G3BP2: variants seen among roughly 807,000 people sequenced by gnomAD.
G3BP2 encodes G3BP stress granule assembly factor 2.
In G3BP2, 11 loss-of-function variants were observed where a neutral mutation model predicts 56.7. That is an observed-to-expected ratio of 0.19 (90% CI 0.12 to 0.32). G3BP2 has a LOEUF of 0.32. Among genes scored for constraint, G3BP2 ranks in the 10% least tolerant of loss-of-function variants. The pLI is 1.00. For missense variants in G3BP2, 340 were observed against 610.9 expected (o/e 0.56, Z 4.67); for synonymous variants, 165 against 191.6 (o/e 0.86, Z 1.15).
chr4:75,692,801 C>T (rs1718923259), intron 3 of G3BP2, among the ~76,000 whole-genome samples: 1 of 152,148 alleles, frequency 6.6e-6, no homozygotes, highest in Admixed American at 6.5e-5. Flanking sequence ...GTCATGAGAA[C>T]ACAAGGTGTC....
At chr4:75,681,511 C>A (rs1490181516) in intron 3 of G3BP2, among the ~76,000 whole-genome samples, 3 of 151,880 alleles carry the variant, frequency 2.0e-5, no homozygotes, top group Admixed American at 2.0e-4. Context: ...AAAGTTTATA[C>A]ATTAGGCACA....
intron 3 of G3BP2, among the ~76,000 whole-genome samples, chr4:75,696,817 C>T (rs1242089924): frequency 1.3e-5 from 2 of 152,186 alleles, no homozygotes; most frequent in Admixed American, 1.3e-4. Context: ...GGTCCATGTT[C>T]ACATGCATGC....
chr4:75,645,810 C>G (rs35597810), intron 11 of G3BP2, 108 bp from the exon 12 acceptor site: 6 of 951,854 alleles, frequency 6.3e-6, no homozygotes, highest in Non-Finnish European at 9.5e-6. Flanking sequence ...ACACTTTTAT[C>G]AGCCCCCCAC....
rs537058382 is a variant in G3BP2 at position 75,670,687 on chromosome 4, G to A, written c.-25+2521C>T. The stretch of plus-strand genomic sequence containing the variant: ...TTTTCTTTTGTCTTTAAAATAGATA[G>A]GGCATTATCTTCATTTACAGAAAAG... On this transcript the variant is annotated intron_variant, in intron 1 of 11. Transcript: ENST00000359707. 2.6e-5 allele frequency among the ~76,000 whole-genome samples: 4 copies of A among 152,216 alleles called. 1 individual carries two copies. Among genetic ancestry groups the A allele is most frequent in the African/African-American group, 9.6e-5 (4 of 41,524 alleles).
intron 3 of G3BP2, among the ~76,000 whole-genome samples, chr4:75,657,970 TAGTA>T (rs1472874827): frequency 3.3e-5 from 5 of 152,216 alleles, no homozygotes; most frequent in Admixed American, 3.3e-4. Flanking sequence ...CACTTTTCTG[TAGTA>T]AGTATTTGGT....
intron 2 of G3BP2, among the ~76,000 whole-genome samples, 190 bp from the exon 3 acceptor site, chr4:75,659,114 A>G (rs913324133): frequency 2.6e-5 from 4 of 152,212 alleles, no homozygotes; most frequent in African/African-American, 9.6e-5. Context: ...GAACTACTCC[A>G]TATGGTTGTT....
chr4:75,645,970 C>T (rs964697881), intron 11 of G3BP2, among the ~76,000 whole-genome samples: 2 of 152,042 alleles, frequency 1.3e-5, no homozygotes, highest in Non-Finnish European at 2.9e-5. Flanking sequence ...ACCACCATGG[C>T]CGGCTATTTT....
chr4:75,692,987 C>T (rs967695397), intron 3 of G3BP2, among the ~76,000 whole-genome samples: 2 of 152,200 alleles, frequency 1.3e-5, no homozygotes, highest in African/African-American at 4.8e-5. Flanking sequence ...TGGCTCACTC[C>T]TGTAATCCCA....
chr4:75,664,337 G>A (rs1329503475), intron 1 of G3BP2, among the ~76,000 whole-genome samples: 1 of 152,066 alleles, frequency 6.6e-6, no homozygotes, highest in African/African-American at 2.4e-5. Flanking sequence ...AGCACTTCAG[G>A]AGGCCAAGGT....
chr4:75,673,798 A>T, upstream of G3BP2: 4 of 326,220 alleles, frequency 1.2e-5, no homozygotes, highest in Non-Finnish European at 2.1e-5. Context: ...GGAATTTAGT[A>T]ATCTCTCTGA....
chr4:75,685,948 AAGGAG>A (rs1466515883), intron 3 of G3BP2, among the ~76,000 whole-genome samples: 2 of 152,208 alleles, frequency 1.3e-5, no homozygotes, highest in Non-Finnish European at 2.9e-5. Context: ...GGAGTTAAGG[AAGGAG>A]AGAAGGAAGA....
chr4:75,709,458 A>G (rs10856855), intron 3 of G3BP2, among the ~76,000 whole-genome samples: 42,218 of 145,534 alleles, frequency 0.29, 7,791 homozygotes, highest in East Asian at 0.76. Flanking sequence ...TACGAAAAAA[A>G]CCGACCAGCC....
chr4:75,657,071 A>G, intron 4 of G3BP2, 57 bp from the exon 5 acceptor site: 1 of 729,100 alleles, frequency 1.4e-6, no homozygotes, highest in Non-Finnish European at 2.3e-6. Flanking sequence ...TATATAAAAG[A>G]GCAAATTACA....
chr4:75,648,539 T>G lies in G3BP2; in HGVS notation c.928+100A>C. On this transcript the variant is annotated intron_variant, in intron 9 of 11. Transcript: ENST00000359707. ...CATCTTTAAGCAATTTGAGACTATATGGGTCTGTGTATAGAACGCATCATA... is the reference window on the plus strand; with the variant it reads ...CATCTTTAAGCAATTTGAGACTATAGGGGTCTGTGTATAGAACGCATCATA... The G allele has an allele frequency of 5.1e-6, 3 of 588,874 alleles. No individual in the cohort carries two copies. In the South Asian group the frequency reaches 7.0e-5, roughly 14 times the overall value. 36.5% of individuals were successfully genotyped at this position (588,874 alleles called of 1,614,324 possible).
At chr4:75,716,305 G>A (rs1719923474) in intron 3 of G3BP2, among the ~76,000 whole-genome samples, 1 of 151,756 alleles carries the variant, frequency 6.6e-6, no homozygotes, top group Non-Finnish European at 1.5e-5. Context: ...AAGTAGCTAG[G>A]ATTACAGGCA....
intron 3 of G3BP2, among the ~76,000 whole-genome samples, chr4:75,693,889 C>T (rs1216830647): frequency 6.6e-6 from 1 of 151,510 alleles, no homozygotes; most frequent in East Asian, 1.9e-4. Context: ...CCTGCCACCA[C>T]CATGTCTGGC....
chr4:75,679,520 CTG>C (rs1326837628), intron 3 of G3BP2, among the ~76,000 whole-genome samples: 1 of 152,154 alleles, frequency 6.6e-6, no homozygotes, highest in Non-Finnish European at 1.5e-5. Flanking sequence ...GCCTGCCAAT[CTG>C]TGTGATGAAG....
chr4:75,654,515 A>C (rs964232369), intron 7 of G3BP2, among the ~76,000 whole-genome samples: 7 of 152,236 alleles, frequency 4.6e-5, no homozygotes, highest in African/African-American at 1.7e-4. Flanking sequence ...TGAACAAAGA[A>C]TCTCCTCCTA....
intron 3 of G3BP2, among the ~76,000 whole-genome samples, chr4:75,708,242 C>G (rs1018228713): frequency 3.9e-5 from 6 of 152,168 alleles, no homozygotes; most frequent in African/African-American, 1.4e-4. Flanking sequence ...CTAGACTTGG[C>G]TCTTACAAAG....
Sources: allele counts gnomAD v4.1 joint callset (sites outside exome capture counted in the v4.1 genomes callset), GRCh38; gene constraint gnomAD v4.1.1; transcripts MANE v1.5; gene names NCBI Gene and HGNC (gene_info 2026-07-23, HGNC 2026-07-21).